Variants in MYRF observed in about 807,000 individuals in gnomAD.
The protein encoded by MYRF is myelin regulatory factor.
Under a neutral mutation model 126.3 loss-of-function variants are expected in MYRF, and 16 were observed. That is an observed-to-expected ratio of 0.13 (90% CI 0.09 to 0.19). The LOEUF (loss-of-function observed/expected upper bound fraction) is 0.19, where lower values mean the gene tolerates loss of function less well. Among genes scored for constraint, MYRF ranks in the 10% least tolerant of loss-of-function variants. The pLI, the probability that MYRF is intolerant of heterozygous loss-of-function variation, is 1.00. For missense variants in MYRF, 1,104 were observed against 1,547.0 expected, an observed-to-expected ratio of 0.71 and a Z score of 4.80; for synonymous variants, 608 against 635.3, an observed-to-expected ratio of 0.96 and a Z score of 0.65.
chr11:61,765,562 C>A, intron 1 of MYRF, 63 bp from the exon 2 acceptor site: 1 of 1,377,214 alleles, frequency 7.3e-7, no homozygotes. Context: ...AGGGCTGGGC[C>A]CTGAAGCCCA....
chr11:61,770,121 G>T (rs1005230760), intron 4 of MYRF, 125 bp from the exon 5 acceptor site: 9 of 969,138 alleles, frequency 9.3e-6, no homozygotes, highest in Non-Finnish European at 1.3e-5. Context: ...TAGGGTAGGT[G>T]GGGGGCAGCC....
Position 61,771,547 on chromosome 11 carries a change from C to G in MYRF, c.788C>G (p.Pro263Arg), listed in dbSNP as rs769859887. The G allele has an allele frequency of 9.9e-6, 16 of 1,613,904 alleles. No individual in the cohort carries two copies. In the African/African-American group the frequency reaches 1.1e-4, roughly 11 times the overall value. The change falls in exon 6 of 27, where the codon CCC becomes CGC. Residue 263 changes from proline to arginine, a missense_variant. Transcript: ENST00000278836. ...SKKRKHSESP[P>R]STLNAQMLNG... ...AAGAGGAAGCACTCTGAATCCCCCCCCAGCACCCTCAATGCCCAGATGCTG... is the reference window on the plus strand; with the variant it reads ...AAGAGGAAGCACTCTGAATCCCCCCGCAGCACCCTCAATGCCCAGATGCTG...
intron 7 of MYRF, among the ~76,000 whole-genome samples, chr11:61,772,916 C>T (rs754003165): frequency 1.1e-4 from 17 of 152,260 alleles, no homozygotes; most frequent in South Asian, 8.3e-4. Flanking sequence ...GCCCAGCTTC[C>T]GCCAGGCCAG....
At chr11:61,765,833 C>T (rs1019502514) in intron 2 of MYRF, 121 bp downstream of exon 2, 132 of 1,412,114 alleles carry the variant, frequency 9.3e-5, no homozygotes, top group Non-Finnish European at 1.2e-4. Flanking sequence ...CTGAAAGCTG[C>T]TCCTCGTCCC....
In MYRF at chr11:61,755,308, C is replaced by T. The variant is rs2065718307; in HGVS notation, c.46+2518C>T. 4.7e-6 allele frequency: 7 copies of T among 1,480,596 alleles called. No individual in the cohort carries two copies. The South Asian group carries it at 6.2e-5, about 13-fold the overall frequency. The allele number at this position is 1,480,596 out of a possible 1,614,324, so 91.7% of individuals were successfully genotyped here. On this transcript the variant is annotated intron_variant, in intron 1 of 26. Coordinates refer to ENST00000278836, the MANE Select transcript of MYRF (RefSeq NM_001127392.3). ...GGTGGGAGGCCGGGACAGAGCGGCC[C>T]CCTCGAGGCTGGTACAGCCGGGCCC...
Position 61,777,362 on chromosome 11 carries a change from C to T in MYRF, c.1689C>T (p.Asn563=), listed in dbSNP as rs369985523. Residue 563 remains asparagine (N), a synonymous_variant, in exon 12 of 27, where the codon AAC becomes AAT. Coordinates refer to ENST00000278836, the MANE Select transcript of MYRF (RefSeq NM_001127392.3). This position sits in a 1 kb window ranked among gnomAD's most constrained non-coding sequence, Gnocchi z 8.8. Reference sequence around the variant, plus strand: ...TCCACCACGGCCGCGTGGGCATCAACACAGACCGGCCGGATGAGGCGCTGG... The same window carrying T: ...TCCACCACGGCCGCGTGGGCATCAATACAGACCGGCCGGATGAGGCGCTGG... ...TVFHHGRVGI[N]TDRPDEALVV... is the part of the protein sequence containing the mutation. The T allele has an allele frequency of 5.0e-6, 8 of 1,613,780 alleles. No individual in the cohort carries two copies. The African/African-American group carries it at 9.3e-5, about 19-fold the overall frequency.
chr11:61,778,890 G>A lies in MYRF; in HGVS notation c.2014-373G>A. The A allele has an allele frequency of 1.8e-6, 1 of 558,552 alleles. No homozygotes were observed. The highest frequency in any genetic ancestry group is 3.4e-6 in the Non-Finnish European group (1 of 293,356). The allele number at this position is 558,552 out of a possible 1,614,324, so 34.6% of individuals were successfully genotyped here. On this transcript the variant is annotated intron_variant, in intron 14 of 26. Transcript: ENST00000278836. This position sits in a 1 kb window ranked among gnomAD's most constrained non-coding sequence, Gnocchi z 4.6. ...TGGGCGCCAAGGAGGCATGTAATAG[G>A]TCTCCACCCCAGCTGAATAGTGAAG...
Position 61,783,256 on chromosome 11 carries a change from T to C in MYRF, c.3017-242T>C. On this transcript the variant is annotated intron_variant, in intron 22 of 26. Transcript: ENST00000278836. This position sits in a 1 kb window ranked among gnomAD's most constrained non-coding sequence, Gnocchi z 4.6. The stretch of plus-strand genomic sequence containing the variant: ...ACCTGGCAGGGGATGTGAAGACCCA[T>C]CCCTACTTCTGGGTGTTCCAGTTCT... 1 of 408,528 alleles carries C rather than the reference T, an allele frequency of 2.4e-6. No individual in the cohort carries two copies. The highest frequency in any genetic ancestry group is 3.7e-5 in the South Asian group (1 of 27,050). 25.3% of individuals were successfully genotyped at this position (408,528 alleles called of 1,614,324 possible). A position where few individuals can be genotyped will look rare whatever the true frequency, so the allele number is the denominator to read the frequency against.
At chr11:61,762,995 G>A (rs912562284) in intron 1 of MYRF, among the ~76,000 whole-genome samples, 1 of 152,192 alleles carries the variant, frequency 6.6e-6, no homozygotes, top group Non-Finnish European at 1.5e-5. Context: ...AGGTGGGCAG[G>A]AGGATTAGGG....
In MYRF at chr11:61,776,358, T is replaced by C. The variant is rs576640853; in HGVS notation, c.1425T>C (p.Thr475=). The C allele has an allele frequency of 1.4e-4, 220 of 1,613,296 alleles. 3 individuals carry two copies. In the South Asian group the frequency reaches 2.3e-3, roughly 17 times the overall value. Residue 475 remains threonine, a synonymous_variant, in exon 10 of 27, where the codon ACT becomes ACC. Coordinates refer to ENST00000278836, the MANE Select transcript of MYRF (RefSeq NM_001127392.3). The surrounding 1 kb of genome is among the most constrained non-coding windows in gnomAD (Gnocchi z 4.3). ...CCCCTGAGCAGGTCACGAAGGTGAC[T>C]GTGGGGCGGCTGCACTTCAGCGAGA... The part of the protein sequence containing the change: ...NLPPEQVTKV[T]VGRLHFSETT...
Position 61,781,869 on chromosome 11 carries a change from C to G in MYRF, c.3016+45C>G, listed in dbSNP as rs773159753. The G allele has an allele frequency of 6.7e-6, 10 of 1,494,550 alleles. 1 individual carries two copies. In the East Asian group the frequency reaches 2.3e-4, roughly 34 times the overall value. The allele number at this position is 1,494,550 out of a possible 1,614,324, so 92.6% of individuals were successfully genotyped here. On this transcript the variant is annotated intron_variant, in intron 22 of 26. Transcript: ENST00000278836. ...CACTACCCAGCCCAGCCTGGCAAGG[C>G]TCACTGGCCAGGGCCCACCTCAGCC...
intron 25 of MYRF, 62 bp from the exon 26 acceptor site, chr11:61,785,738 G>A (rs890814953): frequency 7.0e-7 from 1 of 1,420,972 alleles, no homozygotes; most frequent in African/African-American, 1.4e-5. Flanking sequence ...CGGCCGTGGT[G>A]AGAGATGCTG....
intron 1 of MYRF, among the ~76,000 whole-genome samples, chr11:61,758,188 C>T (rs2065810757): frequency 6.6e-6 from 1 of 152,150 alleles, no homozygotes. Context: ...ACATTCTGTC[C>T]TCCCTGTGCC....
intron 8 of MYRF, 73 bp downstream of exon 8, chr11:61,774,235 C>A: frequency 7.2e-7 from 1 of 1,381,892 alleles, no homozygotes; most frequent in Non-Finnish European, 9.7e-7. Flanking sequence ...CCAGAAAAAG[C>A]AAGCGTTGGC....
In MYRF at chr11:61,776,544, G is replaced by C. The variant is rs2066388334; in HGVS notation, c.1499+112G>C. On this transcript the variant is annotated intron_variant, in intron 10 of 26. Coordinates refer to ENST00000278836, the MANE Select transcript of MYRF (RefSeq NM_001127392.3). The surrounding 1 kb of genome is among the most constrained non-coding windows in gnomAD (Gnocchi z 4.3). ...CTACAGGCTGAGCCATTTCACAGAT[G>C]AGAGACCTGAGATTTAGAGCCCTTC... 1 of 874,436 alleles carries C rather than the reference G, an allele frequency of 1.1e-6. No homozygotes were observed. Among genetic ancestry groups the C allele is most frequent in the South Asian group, 1.7e-5 (1 of 60,160 alleles). 54.2% of individuals were successfully genotyped at this position (874,436 alleles called of 1,614,324 possible).
chr11:61,755,155 G>A (rs1276468740), intron 1 of MYRF, among the ~76,000 whole-genome samples: 2 of 152,168 alleles, frequency 1.3e-5, no homozygotes, highest in Admixed American at 1.3e-4. Context: ...GGGTTTTACC[G>A]AAGGGGCTGC....
At position 61,765,639 on chromosome 11, in the gene MYRF, G is replaced by T. The variant is rs766344736; in HGVS notation, c.61G>T (p.Gly21Cys). 1.9e-6 allele frequency: 3 copies of T among 1,612,610 alleles called. No individual in the cohort carries two copies. The highest frequency in any genetic ancestry group is 2.5e-6 in the Non-Finnish European group (3 of 1,179,730). ...CTGCCCTGCAGGCCACGACATCAAC[G>T]GTGCCCTGGAGCCCTCCAACATAGA... ...QRFFEGHDIN[G>C]ALEPSNIDTS... Residue 21 changes from glycine (G) to cysteine (C), a missense_variant, in exon 2 of 27, where the codon GGT becomes TGT. Gly to Cys is a radical substitution (Grantham distance 159). Transcript: ENST00000278836.
At chr11:61,773,482 C>T (rs892488188) in intron 7 of MYRF, among the ~76,000 whole-genome samples, 2 of 152,126 alleles carry the variant, frequency 1.3e-5, no homozygotes, top group Non-Finnish European at 2.9e-5. Context: ...TTGAGCAAGC[C>T]GGTGGGCAGG....
chr11:61,762,623 C>T (rs564879858), intron 1 of MYRF, among the ~76,000 whole-genome samples: 1 of 152,180 alleles, frequency 6.6e-6, no homozygotes, highest in Non-Finnish European at 1.5e-5. Flanking sequence ...ATCCCAGCTT[C>T]GGCAAGCCCC....
Sources: allele counts gnomAD v4.1 joint callset (sites outside exome capture counted in the v4.1 genomes callset), GRCh38; gene constraint gnomAD v4.1.1; non-coding constraint Gnocchi (gnomAD v3.1); transcripts MANE v1.5; gene names NCBI Gene and HGNC (gene_info 2026-07-23, HGNC 2026-07-21).